CCDC187: variants seen among roughly 807,000 people sequenced by gnomAD.
CCDC187 encodes coiled-coil domain-containing protein 187.
In CCDC187, 32 loss-of-function variants were observed where a neutral mutation model predicts 38.0. The observed-to-expected ratio is 0.84, with a 90% CI of 0.64 to 1.13. CCDC187 has a LOEUF of 1.13. Among genes scored for constraint, CCDC187 ranks in the 50% most tolerant of loss-of-function variants. The probability of loss-of-function intolerance (pLI) is 0.00; values close to 1 mark genes in which losing one functional copy is unlikely to be tolerated. For missense variants in CCDC187, 707 were observed against 786.8 expected (o/e 0.90, Z 1.21); for synonymous variants, 333 against 347.9 (o/e 0.96, Z 0.48).
At chr9:136,267,245 C>T (rs1830760281) in intron 16 of CCDC187, 139 bp downstream of exon 16, 2 of 398,968 alleles carry the variant, frequency 5.0e-6, no homozygotes, top group South Asian at 2.1e-4. Context: ...TGGACCAGTA[C>T]CTCTTGTTTC....
At chr9:136,285,464 CGGGCAGGTGGGCAGGT>C (rs1158075604) in intron 9 of CCDC187, 33 bp downstream of exon 9, 41 of 53,964 alleles carry the variant, frequency 7.6e-4, no homozygotes, top group Non-Finnish European at 1.1e-3. Context: ...GGTGGGCAGG[CGGGCAGGTGGGCAGGT>C]GGGCAGGTGG....
chr9:136,285,424 C>T (rs1173279980), intron 9 of CCDC187, 89 bp downstream of exon 9: 6 of 407,232 alleles, frequency 1.5e-5, no homozygotes, highest in Non-Finnish European at 2.6e-5. Flanking sequence ...TGAGCGTGGG[C>T]GGGCAGGTGG....
chr9:136,271,069 G>A (rs552219953), intron 14 of CCDC187, among the ~76,000 whole-genome samples: 3 of 152,044 alleles, frequency 2.0e-5, no homozygotes, highest in African/African-American at 2.4e-5. Flanking sequence ...CTCTTGCCTC[G>A]GCACCTGGGT....
At position 136,257,386 on chromosome 9, in the gene CCDC187, A is replaced by G. The variant is rs1830626540; in HGVS notation, c.4367-545T>C. Among the ~76,000 whole-genome samples the G allele has an allele frequency of 7.3e-6, 1 of 136,684 alleles. No individual in the cohort carries two copies. Among genetic ancestry groups the G allele is most frequent in the Admixed American group, 7.3e-5 (1 of 13,670 alleles). 89.7% of individuals were successfully genotyped at this position (136,684 alleles called of 152,430 possible). ...ACTTTGTCTCAAAATTATAATAATA[A>G]TAATAATAATAATAATAATAATTTA... On this transcript the variant is annotated intron_variant, in intron 22 of 25. Coordinates refer to ENST00000638797, the MANE Select transcript of CCDC187 (RefSeq NM_001378188.1). The surrounding 1 kb of genome is among the most constrained non-coding windows in gnomAD (Gnocchi z 4.5).
chr9:136,271,623 TTTG>T (rs1830841087), intron 14 of CCDC187, among the ~76,000 whole-genome samples: 1 of 150,386 alleles, frequency 6.6e-6, no homozygotes, highest in Non-Finnish European at 1.5e-5. Flanking sequence ...TTTTTTTTTT[TTTG>T]AGACGGAGTC....
intron 2 of CCDC187, 42 bp from the exon 3 acceptor site, chr9:136,300,360 A>T: frequency 2.5e-6 from 1 of 398,410 alleles, no homozygotes; most frequent in Non-Finnish European, 4.4e-6. Context: ...GAGAAGAGAG[A>T]TCCGCAAAGA....
At chr9:136,277,429 G>A (rs1310265218) in intron 10 of CCDC187, among the ~76,000 whole-genome samples, 1 of 101,030 alleles carries the variant, frequency 9.9e-6, no homozygotes, top group Non-Finnish European at 2.2e-5. Context: ...GGTGCTGAGG[G>A]GGTGAGTGGG....
At chr9:136,293,859 GTC>G (rs1285300550) in intron 4 of CCDC187, among the ~76,000 whole-genome samples, 1 of 118,030 alleles carries the variant, frequency 8.5e-6, no homozygotes, top group African/African-American at 3.2e-5. Flanking sequence ...CACACATTCA[GTC>G]TCATATGCTC....
rs1554759213 is a variant in CCDC187 at position 136,250,745 on chromosome 9, C to T, written c.*2849G>A. 1 of 456,304 alleles carries T rather than the reference C, an allele frequency of 2.2e-6. No individual in the cohort carries two copies. The highest frequency in any genetic ancestry group is 1.5e-5 in the South Asian group (1 of 64,572). 28.3% of individuals were successfully genotyped at this position (456,304 alleles called of 1,614,324 possible). ...AATCAGATGCATGGCCCGAGCTGGG[C>T]TTCCTGTGCACATGGTGAATGGGGA... On this transcript the variant is annotated 3_prime_UTR_variant, in exon 26 of 26. Coordinates refer to ENST00000638797, the MANE Select transcript of CCDC187 (RefSeq NM_001378188.1).
At position 136,258,742 on chromosome 9, in the gene CCDC187, T is replaced by C; in HGVS notation, c.4366+190A>G. 1.0e-6 allele frequency: 1 copy of C among 985,394 alleles called. No individual in the cohort carries two copies. Among genetic ancestry groups the C allele is most frequent in the Non-Finnish European group, 1.2e-6 (1 of 829,922 alleles). 61.0% of individuals were successfully genotyped at this position (985,394 alleles called of 1,614,324 possible). A position where few individuals can be genotyped will look rare whatever the true frequency, so the allele number is the denominator to read the frequency against. On this transcript the variant is annotated intron_variant, in intron 22 of 25. Coordinates refer to ENST00000638797, the MANE Select transcript of CCDC187 (RefSeq NM_001378188.1). The surrounding 1 kb of genome is among the most constrained non-coding windows in gnomAD (Gnocchi z 4.3). ...AGAAGAGCCGCTGCGTCACCTCCGGTAGGAGATGGAGCCGGCCACTCTTCT... is the reference window on the plus strand; with the variant it reads ...AGAAGAGCCGCTGCGTCACCTCCGGCAGGAGATGGAGCCGGCCACTCTTCT...
rs1276396124 is a variant in CCDC187, at chr9:136,255,203, C to T, written c.4694-69G>A. On this transcript the variant is annotated intron_variant, in intron 25 of 25. Coordinates refer to ENST00000638797, the MANE Select transcript of CCDC187 (RefSeq NM_001378188.1). Reference sequence around the variant, plus strand: ...GACCCCATGCATATCCCACGACCCCCAAAGCCAGGAGGTCAGAACAGAGAA... The same window carrying T: ...GACCCCATGCATATCCCACGACCCCTAAAGCCAGGAGGTCAGAACAGAGAA... 9 of 817,848 alleles carry T rather than the reference C, an allele frequency of 1.1e-5. No individual in the cohort carries two copies. The African/African-American group carries it at 1.7e-4, about 15-fold the overall frequency. 50.7% of individuals were successfully genotyped at this position (817,848 alleles called of 1,614,324 possible).
intron 7 of CCDC187, among the ~76,000 whole-genome samples, chr9:136,287,986 A>G (rs990617467): frequency 1.3e-3 from 191 of 152,278 alleles, no homozygotes; most frequent in African/African-American, 4.3e-3. Context: ...GGGAGCCACC[A>G]TGCCCAGCTA....
intron 3 of CCDC187, among the ~76,000 whole-genome samples, chr9:136,299,952 AAAC>A (rs1445001974): frequency 6.6e-6 from 1 of 152,080 alleles, no homozygotes; most frequent in Admixed American, 6.5e-5. Context: ...AAAAACAAAC[AAAC>A]AACAACAACA....
In CCDC187 at chr9:136,254,046, G is replaced by A. The variant is rs1052963485; in HGVS notation, c.5782C>T (p.Leu1928Phe). ...ADPSPSTKSK[L>F]PYLMPEPETP... ...TCGGGCTCTGGCATGAGGTACGGGAGTTTGCTCTTGGTGGATGGGCTCGGG... is the reference window on the plus strand; with the variant it reads ...TCGGGCTCTGGCATGAGGTACGGGAATTTGCTCTTGGTGGATGGGCTCGGG... The change falls in exon 26 of 26, where the codon CTC (leucine) becomes TTC (phenylalanine). Residue 1928 changes from leucine (L) to phenylalanine (F), a missense_variant. Physicochemically the swap from Leu to Phe is conservative, Grantham distance 22 (BLOSUM62 0). Coordinates refer to ENST00000638797, the MANE Select transcript of CCDC187 (RefSeq NM_001378188.1). 1.0e-5 allele frequency: 10 copies of A among 985,400 alleles called. No homozygotes were observed. The highest frequency in any genetic ancestry group is 1.2e-5 in the Non-Finnish European group (10 of 829,924). 61.0% of individuals were successfully genotyped at this position (985,400 alleles called of 1,614,324 possible). A position where few individuals can be genotyped will look rare whatever the true frequency, so the allele number is the denominator to read the frequency against.
Position 136,261,431 on chromosome 9 carries a change from G to C in CCDC187, c.4064+880C>G, listed in dbSNP as rs1023350706. Among the ~76,000 whole-genome samples the C allele has an allele frequency of 1.1e-4, 16 of 152,272 alleles. No individual in the cohort carries two copies. In the South Asian group the frequency reaches 3.1e-3, roughly 30 times the overall value. The stretch of plus-strand genomic sequence containing the variant: ...ATAGGGTGTACCCCTCCGCCAGGAG[G>C]GTGGGCTGACACCCATGCTGGGGTC... On this transcript the variant is annotated intron_variant, in intron 19 of 25. Transcript: ENST00000638797.
chr9:136,267,799 T>G, intron 15 of CCDC187: 10 of 969,540 alleles, frequency 1.0e-5, no homozygotes, highest in Non-Finnish European at 1.1e-5. Context: ...ATATACAACC[T>G]GGGCGGGGGC....
At chr9:136,285,397 A>G in intron 9 of CCDC187, 116 bp downstream of exon 9, 1 of 318,588 alleles carries the variant, frequency 3.1e-6, no homozygotes, top group Non-Finnish European at 5.6e-6. Flanking sequence ...CATGGGGGTG[A>G]AGTGAGAGGC....
At chr9:136,292,025 G>T (rs1264205669) in intron 5 of CCDC187, 136 bp downstream of exon 5, 3 of 397,564 alleles carry the variant, frequency 7.5e-6, no homozygotes, top group Admixed American at 4.4e-5. Flanking sequence ...GGTTTGGAGG[G>T]TGTTTGCAGG....
chr9:136,259,501 G>A, intron 20 of CCDC187, 53 bp from the exon 21 acceptor site: 1 of 905,288 alleles, frequency 1.1e-6, no homozygotes, highest in Non-Finnish European at 1.3e-6. Flanking sequence ...CTGAGACCAG[G>A]AAGGGAAGGA....
Sources: gnomAD v4.1 joint callset for allele counts (sites outside exome capture counted in the v4.1 genomes callset) on GRCh38, gnomAD v4.1.1 for gene constraint, Gnocchi (gnomAD v3.1) non-coding constraint, MANE v1.5 for transcripts, NCBI Gene and HGNC (gene_info 2026-07-23, HGNC 2026-07-21) for gene names.